Variants in COL13A1 observed in about 807,000 individuals in gnomAD.
COL13A1 encodes the protein collagen alpha-1(XIII) chain.
A neutral mutation model predicts 130.9 loss-of-function variants in COL13A1; 89 were observed. That is an observed-to-expected ratio of 0.68 (90% CI 0.57 to 0.81). COL13A1 has a LOEUF of 0.81. Ranked by LOEUF, COL13A1 falls within the 30% of genes least tolerant of loss-of-function variation. The pLI is 0.00. For synonymous variants in COL13A1, 402 were observed against 341.6 expected (o/e 1.18, Z -1.95); for missense variants, 879 against 934.6 (o/e 0.94, Z 0.78).
At chr10:69,904,217 C>T (rs549608027) in intron 15 of COL13A1, among the ~76,000 whole-genome samples, 47 of 152,196 alleles carry the variant, frequency 3.1e-4, no homozygotes, top group Non-Finnish European at 6.5e-4. Context: ...CCTTTCTACC[C>T]CACCCCCCTC....
At chr10:69,946,710 G>A (rs1327852831) in intron 37 of COL13A1, among the ~76,000 whole-genome samples, 1 of 152,226 alleles carries the variant, frequency 6.6e-6, no homozygotes, top group Non-Finnish European at 1.5e-5. Context: ...CCTCACCTGC[G>A]GTAGTGACCT....
intron 2 of COL13A1, among the ~76,000 whole-genome samples, chr10:69,832,152 C>T (rs559104422): frequency 6.6e-6 from 1 of 152,292 alleles, no homozygotes; most frequent in African/African-American, 2.4e-5. Context: ...CTGCTCAAAG[C>T]GTTGGCCTAC....
intron 17 of COL13A1, among the ~76,000 whole-genome samples, chr10:69,911,010 G>C (rs1419100161): frequency 1.3e-5 from 2 of 152,212 alleles, no homozygotes; most frequent in African/African-American, 4.8e-5. Flanking sequence ...CTTCAGGCTA[G>C]AGCTGTTTGC....
rs115026186 is a variant in COL13A1, at chr10:69,893,011, C to T, written c.604-1541C>T. On this transcript the variant is annotated intron_variant, in intron 10 of 40. Coordinates refer to ENST00000645393, the MANE Select transcript of COL13A1 (RefSeq NM_001368882.1). ...TGACCTGGTCACCTGTGGTCTGGGCCCGGGTTCCCTGCCGGATGAATCATG... is the reference window on the plus strand; with the variant it reads ...TGACCTGGTCACCTGTGGTCTGGGCTCGGGTTCCCTGCCGGATGAATCATG... Among the ~76,000 whole-genome samples, 879 of 152,250 alleles carry T rather than the reference C, an allele frequency of 5.8e-3. 9 individuals carry two copies. The highest frequency in any genetic ancestry group is 0.02 in the African/African-American group (830 of 41,532).
chr10:69,812,690 T>C (rs1265818700), intron 1 of COL13A1, among the ~76,000 whole-genome samples: 4 of 152,218 alleles, frequency 2.6e-5, no homozygotes, highest in African/African-American at 9.6e-5. Context: ...GCTGGAGGAA[T>C]TAACATTAAG....
At chr10:69,818,633 G>A (rs1484046400) in intron 1 of COL13A1, among the ~76,000 whole-genome samples, 1 of 152,216 alleles carries the variant, frequency 6.6e-6, no homozygotes, top group Non-Finnish European at 1.5e-5. Context: ...GAAGGCCTGA[G>A]AGCCAGGAGA....
In COL13A1 at chr10:69,822,458, G is replaced by A; in HGVS notation, c.364+20G>A. 1 of 1,565,398 alleles carries A rather than the reference G, an allele frequency of 6.4e-7. No individual in the cohort carries two copies. Among genetic ancestry groups the A allele is most frequent in the Non-Finnish European group, 8.7e-7 (1 of 1,155,408 alleles). ...CACCAGGTAAGCAGCCCTGCAAATA[G>A]GTGACCGCGGATGTTCCTAAGACTG... On this transcript the variant is annotated intron_variant, in intron 2 of 40. Coordinates refer to ENST00000645393, the MANE Select transcript of COL13A1 (RefSeq NM_001368882.1).
rs35532046 is a variant in COL13A1 at position 69,917,505 on chromosome 10, C to T, written c.966+172C>T. Among the ~76,000 whole-genome samples, 20,460 of 152,022 alleles carry T rather than the reference C, an allele frequency of 0.13. 1,446 individuals carry two copies. Among genetic ancestry groups the T allele is most frequent in the Middle Eastern group, 0.28 (82 of 294 alleles). The stretch of plus-strand genomic sequence containing the variant: ...GGTCTCTCATCAGTGCCCCCTGATG[C>T]GGGCGGCCTCCTCCTGGGCATCCCT... On this transcript the variant is annotated intron_variant, in intron 18 of 40. Coordinates refer to ENST00000645393, the MANE Select transcript of COL13A1 (RefSeq NM_001368882.1).
chr10:69,910,666 T>C (rs1400346692), intron 17 of COL13A1, among the ~76,000 whole-genome samples: 1 of 152,244 alleles, frequency 6.6e-6, no homozygotes, highest in East Asian at 1.9e-4. Context: ...GCGAGTATTG[T>C]TGTGCACCCA....
intron 9 of COL13A1, among the ~76,000 whole-genome samples, chr10:69,889,014 C>T (rs1290678667): frequency 6.6e-6 from 1 of 152,206 alleles, no homozygotes; most frequent in Non-Finnish European, 1.5e-5. Flanking sequence ...GACCCTAGCA[C>T]CACCCAGTTA....
chr10:69,890,856 G>T (rs2061104225), intron 10 of COL13A1, among the ~76,000 whole-genome samples: 1 of 152,216 alleles, frequency 6.6e-6, no homozygotes, highest in Admixed American at 6.5e-5. Context: ...CCTTTGACAG[G>T]TGTGGAAACC....
At chr10:69,847,611 T>C (rs1214282028) in intron 2 of COL13A1, among the ~76,000 whole-genome samples, 1 of 152,224 alleles carries the variant, frequency 6.6e-6, no homozygotes, top group African/African-American at 2.4e-5. Context: ...CTACAGACCT[T>C]GTCCTGGCCC....
At chr10:69,927,599 G>A (rs80356038) in intron 27 of COL13A1, among the ~76,000 whole-genome samples, 5,433 of 152,196 alleles carry the variant, frequency 0.036, 155 homozygotes, top group South Asian at 0.092. Context: ...GGTGCCTACC[G>A]GTGACAGGCT....
At chr10:69,921,070 GAAGA>G (rs545279385) in intron 21 of COL13A1, among the ~76,000 whole-genome samples, 238 of 152,312 alleles carry the variant, frequency 1.6e-3, no homozygotes, top group Non-Finnish European at 3.0e-3. Context: ...GGCTTGAGCA[GAAGA>G]AATTCATTGT....
intron 2 of COL13A1, among the ~76,000 whole-genome samples, chr10:69,846,341 T>C (rs1247575101): frequency 6.6e-6 from 1 of 152,006 alleles, no homozygotes; most frequent in African/African-American, 2.4e-5. Flanking sequence ...CAGGATCACT[T>C]TTCAGCCCAG....
At position 69,957,058 on chromosome 10, in the gene COL13A1, G is replaced by T. The variant is rs769104992; in HGVS notation, c.2184+16G>T. The T allele has an allele frequency of 8.7e-6, 14 of 1,609,340 alleles. No homozygotes were observed. In the African/African-American group the frequency reaches 1.9e-4, roughly 22 times the overall value. On this transcript the variant is annotated intron_variant, in intron 40 of 40. Transcript: ENST00000645393. ...CTGGAACAAGGTAAGGCTTCCCATT[G>T]GTGTGCACTGGGGCTCCGTTCTCAG...
intron 38 of COL13A1, among the ~76,000 whole-genome samples, chr10:69,948,877 C>T (rs1366538061): frequency 6.6e-6 from 1 of 152,162 alleles, no homozygotes. Flanking sequence ...GTTATTGAGT[C>T]ATCCACGGAG....
In COL13A1 at chr10:69,875,109, C is replaced by T. The variant is rs768898652; in HGVS notation, c.400-19C>T. On this transcript the variant is annotated intron_variant, in intron 4 of 40. Transcript: ENST00000645393. ...TGGTTCCAACCACATCTGACTGTTTCTGCCTCCTTCATCATCAGGGGGACA... is the reference window on the plus strand; with the variant it reads ...TGGTTCCAACCACATCTGACTGTTTTTGCCTCCTTCATCATCAGGGGGACA... 6.2e-7 allele frequency: 1 copy of T among 1,614,010 alleles called. No homozygotes were observed. Among genetic ancestry groups the T allele is most frequent in the Non-Finnish European group, 8.5e-7 (1 of 1,179,886 alleles).
At chr10:69,872,111 G>T (rs1308217365) in intron 3 of COL13A1, 73 bp from the exon 4 acceptor site, 18 of 1,574,864 alleles carry the variant, frequency 1.1e-5, no homozygotes, top group Non-Finnish European at 1.6e-5. Flanking sequence ...TCACACAGCT[G>T]GTTGAGACAG....
Sources: allele counts gnomAD v4.1 joint callset (sites outside exome capture counted in the v4.1 genomes callset), GRCh38; gene constraint gnomAD v4.1.1; transcripts MANE v1.5; gene names NCBI Gene and HGNC (gene_info 2026-07-23, HGNC 2026-07-21).